PSD3: variants seen among roughly 807,000 people sequenced by gnomAD.
PSD3 encodes the protein PH and SEC7 domain-containing protein 3.
PSD3 carries 49 observed loss-of-function variants against 105.5 expected under a neutral mutation model. The ratio of observed to expected loss-of-function variants is 0.46; its 90% CI spans 0.37 to 0.59. The LOEUF is 0.59. PSD3 is among the 20% of genes least tolerant of loss of function. The pLI, the probability that PSD3 is intolerant of heterozygous loss-of-function variation, is 0.00. For synonymous variants in PSD3, 557 were observed against 457.8 expected, an observed-to-expected ratio of 1.22 and a Z score of -2.77; for missense variants, 1,561 against 1,263.8, an observed-to-expected ratio of 1.24 and a Z score of -3.57.
chr8:18,817,928 A>G (rs998236502), intron 4 of PSD3, among the ~76,000 whole-genome samples: 6 of 152,178 alleles, frequency 3.9e-5, no homozygotes, highest in Non-Finnish European at 7.4e-5. Context: ...ATTACTAAAT[A>G]GATTATATGC....
Position 18,572,682 on chromosome 8 carries a change from A to G in PSD3, c.2640-10T>C. On this transcript the variant is annotated splice_polypyrimidine_tract_variant and intron_variant, in intron 13 of 15. Coordinates refer to ENST00000327040, the MANE Select transcript of PSD3 (RefSeq NM_015310.4). ...CATTTCCTCTGGGCTCCTATGAGAA[A>G]TAGATATGTTTATATCAGGATATTG... 6.2e-7 allele frequency: 1 copy of G among 1,613,436 alleles called. No homozygotes were observed.
intron 2 of PSD3, among the ~76,000 whole-genome samples, chr8:18,926,355 T>C (rs776098046): frequency 2.0e-5 from 3 of 151,636 alleles, no homozygotes; most frequent in East Asian, 1.9e-4. Flanking sequence ...ATAAAACAAA[T>C]GAATTTCATG....
chr8:18,755,849 A>G (rs1805995520), intron 9 of PSD3, among the ~76,000 whole-genome samples: 1 of 151,446 alleles, frequency 6.6e-6, no homozygotes, highest in Non-Finnish European at 1.5e-5. Flanking sequence ...TTTTTCATTC[A>G]TGGTCTGAAC....
chr8:18,875,284 A>G (rs938294747), intron 2 of PSD3, among the ~76,000 whole-genome samples: 5 of 152,196 alleles, frequency 3.3e-5, no homozygotes, highest in African/African-American at 1.2e-4. Context: ...GATAGTATTT[A>G]TAACACCTTC....
intron 10 of PSD3, among the ~76,000 whole-genome samples, chr8:18,638,507 A>C (rs1807429842): frequency 6.6e-6 from 1 of 151,756 alleles, no homozygotes; most frequent in African/African-American, 2.4e-5. Context: ...TCAAAGAATT[A>C]AGAAAACAAT....
At chr8:18,754,821 C>T (rs1805886815) in intron 9 of PSD3, among the ~76,000 whole-genome samples, 1 of 151,950 alleles carries the variant, frequency 6.6e-6, no homozygotes, top group Admixed American at 6.6e-5. Flanking sequence ...CACTGTTTTC[C>T]TTTATGGGAT....
intron 9 of PSD3, among the ~76,000 whole-genome samples, chr8:18,727,104 G>A (rs974408217): frequency 3.9e-5 from 6 of 152,076 alleles, no homozygotes; most frequent in East Asian, 1.9e-4. Context: ...TTGGGAGGCC[G>A]AAGTGGGTGA....
rs577306330 is a variant in PSD3 at position 18,702,817 on chromosome 8, T to A, written c.2173-47132A>T. ...TTAGTAGAGACAGGGTTTCACCATG[T>A]TAGCCGGGATGGTCTCGATCTCCTG... On this transcript the variant is annotated intron_variant, in intron 9 of 15. Coordinates refer to ENST00000327040, the MANE Select transcript of PSD3 (RefSeq NM_015310.4). Among the ~76,000 whole-genome samples, 263 of 152,122 alleles carry A rather than the reference T, an allele frequency of 1.7e-3. 2 individuals are homozygous for A. Among genetic ancestry groups the A allele is most frequent in the African/African-American group, 5.9e-3 (243 of 41,508 alleles).
At chr8:19,038,194 TG>T (rs1267520209) in intron 1 of PSD3, among the ~76,000 whole-genome samples, 1 of 152,080 alleles carries the variant, frequency 6.6e-6, no homozygotes, top group African/African-American at 2.4e-5. Flanking sequence ...AGCTGGGCTA[TG>T]AACTGATCTA....
intron 12 of PSD3, among the ~76,000 whole-genome samples, chr8:18,596,321 A>G (rs987979654): frequency 2.6e-5 from 4 of 152,094 alleles, no homozygotes; most frequent in African/African-American, 9.6e-5. Context: ...TTAAATAAAC[A>G]ACCTGTTTTT....
intron 9 of PSD3, among the ~76,000 whole-genome samples, chr8:18,742,497 A>C (rs1804653439): frequency 1.3e-5 from 2 of 152,184 alleles, no homozygotes; most frequent in South Asian, 4.1e-4. Context: ...ATATAAATAT[A>C]AGCATATTCT....
intron 9 of PSD3, among the ~76,000 whole-genome samples, chr8:18,727,076 G>A (rs961618526): frequency 9.9e-5 from 15 of 151,894 alleles, no homozygotes; most frequent in Admixed American, 7.9e-4. Flanking sequence ...AGTGGCTCAC[G>A]CCTGTAATCC....
At chr8:18,943,625 T>G (rs567712760) in intron 1 of PSD3, among the ~76,000 whole-genome samples, 1 of 152,268 alleles carries the variant, frequency 6.6e-6, no homozygotes, top group East Asian at 1.9e-4. Flanking sequence ...AACAGAGGAC[T>G]ATTCACAAGG....
intron 4 of PSD3, among the ~76,000 whole-genome samples, chr8:18,828,774 A>G (rs1265631583): frequency 3.9e-5 from 6 of 152,134 alleles, no homozygotes; most frequent in Non-Finnish European, 8.8e-5. Context: ...CAGCCTGGCC[A>G]ACATGGCAAA....
At chr8:18,660,593 C>T (rs942007750) in intron 9 of PSD3, among the ~76,000 whole-genome samples, 2 of 152,198 alleles carry the variant, frequency 1.3e-5, no homozygotes, top group African/African-American at 4.8e-5. Flanking sequence ...AAAGATGTGA[C>T]AGTGCACAAG....
chr8:18,817,484 T>A (rs1483580710), intron 4 of PSD3, among the ~76,000 whole-genome samples: 1 of 152,184 alleles, frequency 6.6e-6, no homozygotes, highest in Non-Finnish European at 1.5e-5. Context: ...TTAATGAAAT[T>A]TCTAACACAG....
chr8:18,643,209 G>C (rs1255774654), intron 10 of PSD3, among the ~76,000 whole-genome samples: 11 of 152,164 alleles, frequency 7.2e-5, no homozygotes, highest in Admixed American at 2.6e-4. Flanking sequence ...AAGTGTGAGA[G>C]AGGAAGAGGG....
intron 13 of PSD3, among the ~76,000 whole-genome samples, chr8:18,574,475 T>C (rs779630535): frequency 2.3e-4 from 35 of 152,182 alleles, no homozygotes; most frequent in Non-Finnish European, 3.1e-4. Context: ...ATCCCATTCC[T>C]ACACTCAAAA....
At position 18,871,830 on chromosome 8, in the gene PSD3, A is replaced by C. The variant is rs759092425; in HGVS notation, c.1034T>G (p.Ile345Ser). 13 of 1,614,070 alleles carry C rather than the reference A, an allele frequency of 8.1e-6. No homozygotes were observed. The highest frequency in any genetic ancestry group is 1.0e-5 in the Non-Finnish European group (12 of 1,180,046). The change falls in exon 3 of 16, where the codon ATC (isoleucine) becomes AGC (serine). Residue 345 changes from isoleucine to serine, a missense_variant. Ile to Ser is a moderately radical substitution (Grantham distance 142). Coordinates refer to ENST00000327040, the MANE Select transcript of PSD3 (RefSeq NM_015310.4). ...KESSKVPRHLISSAGLCNSSS... is the reference protein window; with the variant it reads ...KESSKVPRHLSSSAGLCNSSS... ...TGAATTACACAAACCAGCTGATGAGATGAGATGGCGTGGCACTTTGGAAGA... is the reference window on the plus strand; with the variant it reads ...TGAATTACACAAACCAGCTGATGAGCTGAGATGGCGTGGCACTTTGGAAGA...
Sources: gnomAD v4.1 joint callset for allele counts (sites outside exome capture counted in the v4.1 genomes callset) on GRCh38, gnomAD v4.1.1 for gene constraint, MANE v1.5 for transcripts, NCBI Gene and HGNC (gene_info 2026-07-23, HGNC 2026-07-21) for gene names.